The following MARCO variants were observed in gnomAD, a reference collection of about 807,000 sequenced individuals.
MARCO encodes the protein macrophage receptor MARCO.
Under a neutral mutation model 70.0 loss-of-function variants are expected in MARCO, and 72 were observed. That is an observed-to-expected ratio of 1.03 (90% CI 0.85 to 1.25). The LOEUF is 1.25. MARCO is among the 50% of genes most tolerant of loss of function. The pLI is 0.00. For synonymous variants in MARCO, 273 were observed against 243.1 expected (o/e 1.12, Z -1.14); for missense variants, 696 against 659.3 (o/e 1.06, Z -0.61).
intron 12 of MARCO, among the ~76,000 whole-genome samples, chr2:118,983,360 CAATT>C (rs1680430061): frequency 6.6e-6 from 1 of 152,210 alleles, no homozygotes; most frequent in African/African-American, 2.4e-5. Flanking sequence ...CAGCTCTAAT[CAATT>C]GATTGATTCA....
Position 118,970,338 on chromosome 2 carries a change from G to A in MARCO, c.424G>A (p.Gly142Arg), listed in dbSNP as rs776524734. ...QRVDNFTQNP[G>R]MFRIKGEQGA... ...GGTAGACAACTTCACTCAGAACCCAGGTTTGGCCTCCTCCCCTCTGGGTCA... is the reference window on the plus strand; with the variant it reads ...GGTAGACAACTTCACTCAGAACCCAAGTTTGGCCTCCTCCCCTCTGGGTCA... The change falls in exon 3 of 17, where the codon GGG becomes AGG. Residue 142 changes from glycine (G) to arginine (R), a missense_variant and splice_region_variant. By Grantham distance (125) the Gly-to-Arg change is moderately radical (BLOSUM62 -2). Around this residue, in one of 3 missense-constraint regions of MARCO, gnomAD observed 605 missense variants for 537.6 expected, o/e 1.13. Transcript: ENST00000327097. 1 of 1,609,274 alleles carries A rather than the reference G, an allele frequency of 6.2e-7. No homozygotes were observed. Among genetic ancestry groups the A allele is most frequent in the East Asian group, 2.2e-5 (1 of 44,604 alleles).
At chr2:118,975,734 G>A (rs940936804) in intron 6 of MARCO, among the ~76,000 whole-genome samples, 1 of 152,048 alleles carries the variant, frequency 6.6e-6, no homozygotes, top group Non-Finnish European at 1.5e-5. Flanking sequence ...GCACACACAT[G>A]CACTCACATA....
At chr2:118,969,012 A>T (rs1680109731) in intron 1 of MARCO, 148 bp from the exon 2 acceptor site, 1 of 633,648 alleles carries the variant, frequency 1.6e-6, no homozygotes, top group South Asian at 1.9e-5. Flanking sequence ...GGATTGGGGG[A>T]TGATTTGGGA....
At chr2:118,967,065 C>T (rs1420821099) in intron 1 of MARCO, among the ~76,000 whole-genome samples, 3 of 152,200 alleles carry the variant, frequency 2.0e-5, no homozygotes, top group African/African-American at 7.2e-5. Context: ...CACGTTGGTG[C>T]TGGAATACAG....
chr2:118,968,618 C>T (rs1187429071), intron 1 of MARCO, among the ~76,000 whole-genome samples: 2 of 151,980 alleles, frequency 1.3e-5, no homozygotes, highest in African/African-American at 2.4e-5. Flanking sequence ...ATGCCCTGTA[C>T]ATTATTTGAT....
In MARCO at chr2:118,977,845, G is replaced by T. The variant is rs774044994; in HGVS notation, c.676G>T (p.Gly226Ter). ...QGATGTPGPQ[G>*]EKGSKGDGGL... ...CTTTGCAGGCACCCCAGGACCCCAA[G>T]GAGAGAAGGGCAGCAAAGGCGATGG... The change falls in exon 8 of 17, where the codon GGA becomes TGA. Residue 226 changes from glycine to a stop codon, truncating the protein, a stop_gained. Coordinates refer to ENST00000327097, the MANE Select transcript of MARCO (RefSeq NM_006770.4). LOFTEE classifies it high-confidence loss of function. 21 of 1,612,710 alleles carry T rather than the reference G, an allele frequency of 1.3e-5. No individual in the cohort carries two copies. The highest frequency in any genetic ancestry group is 1.6e-5 in the Non-Finnish European group (19 of 1,179,482).
intron 12 of MARCO, among the ~76,000 whole-genome samples, chr2:118,983,276 C>T (rs756983211): frequency 2.0e-5 from 3 of 152,226 alleles, no homozygotes; most frequent in East Asian, 1.9e-4. Flanking sequence ...GAGAAGGTCA[C>T]GCTTGTGTCA....
At chr2:118,983,341 G>C (rs1680429736) in intron 12 of MARCO, among the ~76,000 whole-genome samples, 1 of 152,180 alleles carries the variant, frequency 6.6e-6, no homozygotes. Flanking sequence ...ACTGGGACCT[G>C]GCCCTCCACA....
intron 1 of MARCO, among the ~76,000 whole-genome samples, chr2:118,946,312 C>T (rs916667841): frequency 2.6e-5 from 4 of 152,130 alleles, no homozygotes; most frequent in African/African-American, 7.2e-5. Context: ...TTAAATAACC[C>T]CACATACCCC....
chr2:118,969,631 C>T (rs1381647620), intron 2 of MARCO, among the ~76,000 whole-genome samples: 1 of 152,200 alleles, frequency 6.6e-6, no homozygotes, highest in Non-Finnish European at 1.5e-5. Flanking sequence ...CATGATTTTA[C>T]TTTTGAAGTA....
intron 6 of MARCO, 78 bp downstream of exon 6, chr2:118,974,643 C>A: frequency 7.1e-7 from 1 of 1,406,562 alleles, no homozygotes; most frequent in Non-Finnish European, 9.8e-7. Context: ...CAGACGCAGC[C>A]TCCCTCCAGA....
intron 12 of MARCO, among the ~76,000 whole-genome samples, chr2:118,986,656 G>GAAAGAAAGAAAGAAA (rs1558671646): frequency 2.0e-3 from 56 of 28,220 alleles, no homozygotes; most frequent in South Asian, 2.3e-3. Context: ...AAAGAAAGAA[G>GAAAGAAAGAAAGAAA]GAAGGAAGGA....
chr2:118,975,432 C>T (rs922119870), intron 6 of MARCO, among the ~76,000 whole-genome samples: 4 of 152,154 alleles, frequency 2.6e-5, no homozygotes, highest in African/African-American at 7.2e-5. Context: ...AAAACACCAC[C>T]AGTTACAAGA....
chr2:118,969,304 G>A, intron 2 of MARCO, 43 bp downstream of exon 2: 2 of 1,527,832 alleles, frequency 1.3e-6, no homozygotes, highest in Non-Finnish European at 1.8e-6. Flanking sequence ...TGGGGGGAGA[G>A]GGGTGACCCA....
chr2:118,986,655 A>AAGAAAGAAAGAAAGAG (rs1680501690), intron 12 of MARCO, among the ~76,000 whole-genome samples: 1 of 45,986 alleles, frequency 2.2e-5, no homozygotes, highest in African/African-American at 1.4e-4. Context: ...GAAAGAAAGA[A>AAGAAAGAAAGAAAGAG]GGAAGGAAGG....
intron 7 of MARCO, 124 bp downstream of exon 7, chr2:118,977,639 T>G: frequency 1.7e-6 from 1 of 580,046 alleles, no homozygotes; most frequent in Non-Finnish European, 2.7e-6. Context: ...CTGCCCACCC[T>G]ACAGTCCTCT....
intron 6 of MARCO, among the ~76,000 whole-genome samples, chr2:118,975,344 G>C (rs989959147): frequency 6.6e-6 from 1 of 152,194 alleles, no homozygotes; most frequent in East Asian, 1.9e-4. Flanking sequence ...CTAGACAAAG[G>C]GCAGATGAGA....
At position 118,942,387 on chromosome 2, in the gene MARCO, C is replaced by G. The variant is rs759366698; in HGVS notation, c.87C>G (p.Phe29Leu). 6.2e-7 allele frequency: 1 copy of G among 1,611,352 alleles called. No homozygotes were observed. The highest frequency in any genetic ancestry group is 8.5e-7 in the Non-Finnish European group (1 of 1,177,826). Residue 29 changes from phenylalanine to leucine, a missense_variant, in exon 1 of 17, where the codon TTC becomes TTG. This residue lies in a region of MARCO where 605 missense variants were observed against 537.6 expected (regional missense o/e 1.13). Coordinates refer to ENST00000327097, the MANE Select transcript of MARCO (RefSeq NM_006770.4). Reference protein sequence around the residue: ...AAFHQIAMEPFEINVPKPKRR... With the variant: ...AAFHQIAMEPLEINVPKPKRR... The stretch of plus-strand genomic sequence containing the variant: ...TTCACCAAATTGCAATGGAGCCTTT[C>G]GAAATCAATGGTAAAGTACGATTCC...
At position 118,979,267 on chromosome 2, in the gene MARCO, G is replaced by A. The variant is rs368122850; in HGVS notation, c.766+1332G>A. Among the ~76,000 whole-genome samples, 48 of 152,312 alleles carry A rather than the reference G, an allele frequency of 3.2e-4. 1 individual carries two copies. The highest frequency in any genetic ancestry group is 1.1e-3 in the Admixed American group (17 of 15,296). Reference sequence around the variant, plus strand: ...CAAGGACCAATGGACTAAGGTTTCAGGAGGACCAATTGTGCTAAGGCAAGG... The same window carrying A: ...CAAGGACCAATGGACTAAGGTTTCAAGAGGACCAATTGTGCTAAGGCAAGG... On this transcript the variant is annotated intron_variant, in intron 8 of 16. Transcript: ENST00000327097.
Sources: gnomAD v4.1 joint callset for allele counts (sites outside exome capture counted in the v4.1 genomes callset) on GRCh38, gnomAD v4.1.1 for gene constraint, gnomAD v4.1.1 regional missense constraint, MANE v1.5 for transcripts, NCBI Gene and HGNC (gene_info 2026-07-23, HGNC 2026-07-21) for gene names.